The following KCNH5 variants were observed in gnomAD, a reference collection of about 807,000 sequenced individuals.
KCNH5 encodes potassium voltage-gated channel subfamily H member 5.
In KCNH5, 46 loss-of-function variants were observed where a neutral mutation model predicts 96.1. That is an observed-to-expected ratio of 0.48 (90% CI 0.38 to 0.61). KCNH5 has a LOEUF of 0.61. Ranked by LOEUF, KCNH5 falls within the 20% of genes least tolerant of loss-of-function variation. The pLI is 0.00. For missense variants in KCNH5, 907 were observed against 1,225.8 expected (o/e 0.74, Z 3.88); for synonymous variants, 439 against 449.8 (o/e 0.98, Z 0.30).
intron 7 of KCNH5, among the ~76,000 whole-genome samples, chr14:62,938,656 T>G (rs1362238735): frequency 6.6e-6 from 1 of 152,228 alleles, no homozygotes; most frequent in Non-Finnish European, 1.5e-5. Flanking sequence ...TATGTGAGAA[T>G]CATCTACATC....
At chr14:62,926,714 A>G (rs1244584261) in intron 7 of KCNH5, among the ~76,000 whole-genome samples, 1 of 152,112 alleles carries the variant, frequency 6.6e-6, no homozygotes, top group African/African-American at 2.4e-5. Context: ...TGAGGAGACC[A>G]GCTCCACTGG....
chr14:62,989,226 C>T lies in KCNH5; in HGVS notation c.434-2039G>A, dbSNP rs182662853. Reference sequence around the variant, plus strand: ...AAACACATGCCTTTTACCCTATTACCCTTTAACAGAAACCTGAAGGCCTCC... The same window carrying T: ...AAACACATGCCTTTTACCCTATTACTCTTTAACAGAAACCTGAAGGCCTCC... On this transcript the variant is annotated intron_variant, in intron 4 of 10. Coordinates refer to ENST00000322893, the MANE Select transcript of KCNH5 (RefSeq NM_139318.5). Among the ~76,000 whole-genome samples, 60 of 152,024 alleles carry T rather than the reference C, an allele frequency of 3.9e-4. 1 individual carries two copies. Among genetic ancestry groups the T allele is most frequent in the Admixed American group, 3.9e-3 (59 of 15,240 alleles).
intron 7 of KCNH5, among the ~76,000 whole-genome samples, chr14:62,906,891 G>A (rs1379657842): frequency 1.3e-5 from 2 of 152,114 alleles, no homozygotes; most frequent in Admixed American, 6.5e-5. Context: ...ACCCCAAAGT[G>A]TTCTCAAGTA....
chr14:62,863,643 C>T (rs1246527930), intron 7 of KCNH5, among the ~76,000 whole-genome samples: 1 of 152,012 alleles, frequency 6.6e-6, no homozygotes, highest in Non-Finnish European at 1.5e-5. Context: ...TTCTTAGAGA[C>T]TATACTATGG....
intron 10 of KCNH5, among the ~76,000 whole-genome samples, chr14:62,744,919 A>G (rs1275057182): frequency 6.6e-6 from 1 of 152,198 alleles, no homozygotes; most frequent in African/African-American, 2.4e-5. Flanking sequence ...TTTTCAGAAT[A>G]CCTTCCAATC....
chr14:62,792,878 A>G (rs1479056099), intron 9 of KCNH5, among the ~76,000 whole-genome samples: 1 of 151,822 alleles, frequency 6.6e-6, no homozygotes, highest in Non-Finnish European at 1.5e-5. Flanking sequence ...CAAAATAGGT[A>G]GACATGGAAA....
At chr14:62,811,554 G>A (rs1023526382) in intron 8 of KCNH5, among the ~76,000 whole-genome samples, 1 of 152,210 alleles carries the variant, frequency 6.6e-6, no homozygotes, top group East Asian at 1.9e-4. Context: ...ATACAGTATA[G>A]ACACAGCTTT....
intron 1 of KCNH5, among the ~76,000 whole-genome samples, chr14:63,027,752 T>C (rs1459116776): frequency 6.6e-6 from 1 of 152,042 alleles, no homozygotes; most frequent in Non-Finnish European, 1.5e-5. Flanking sequence ...GCTAGTATTC[T>C]AGGAAAAAGG....
intron 6 of KCNH5, among the ~76,000 whole-genome samples, chr14:62,969,609 G>A (rs1041096419): frequency 6.6e-6 from 1 of 151,970 alleles, no homozygotes; most frequent in African/African-American, 2.4e-5. Flanking sequence ...GACGGGGAGG[G>A]AGAGCATCAA....
chr14:62,921,743 G>A (rs1889384666), intron 7 of KCNH5, among the ~76,000 whole-genome samples: 1 of 152,100 alleles, frequency 6.6e-6, no homozygotes, highest in Non-Finnish European at 1.5e-5. Context: ...AGTCACGACT[G>A]ACCTGGCTCT....
intron 4 of KCNH5, among the ~76,000 whole-genome samples, chr14:62,999,377 G>A (rs546297360): frequency 2.4e-4 from 36 of 152,106 alleles, no homozygotes; most frequent in African/African-American, 7.5e-4. Context: ...ACTTTTTGAT[G>A]GGGTTGTTTG....
rs1030361569 is a variant in KCNH5 at position 62,703,676 on chromosome 14, T to C, written c.*3832A>G. On this transcript the variant is annotated 3_prime_UTR_variant, in exon 11 of 11. Coordinates refer to ENST00000322893, the MANE Select transcript of KCNH5 (RefSeq NM_139318.5). ...TGTCTTTTCCCCCTTTCCATTAAGA[T>C]GAGAAGAGAAATACTTTTACACCTA... 6.6e-6 allele frequency: 1 copy of C among 151,734 alleles called. No homozygotes were observed. Among genetic ancestry groups the C allele is most frequent in the Non-Finnish European group, 1.5e-5 (1 of 67,724 alleles). The allele number at this position is 151,734 out of a possible 1,614,324, so 9.4% of individuals were successfully genotyped here.
intron 7 of KCNH5, among the ~76,000 whole-genome samples, chr14:62,882,086 G>C (rs576603435): frequency 9.4e-6 from 1 of 106,502 alleles, no homozygotes; most frequent in Non-Finnish European, 1.8e-5. Flanking sequence ...CTAACATAGA[G>C]AAACCCCATT....
intron 10 of KCNH5, among the ~76,000 whole-genome samples, chr14:62,723,100 C>A (rs1430840509): frequency 6.6e-6 from 1 of 151,992 alleles, no homozygotes; most frequent in African/African-American, 2.4e-5. Context: ...TCAGGGGGAA[C>A]AATTACCAAC....
chr14:63,038,067 A>G (rs1415552059), intron 1 of KCNH5, among the ~76,000 whole-genome samples: 1 of 152,210 alleles, frequency 6.6e-6, no homozygotes, highest in Non-Finnish European at 1.5e-5. Context: ...TCCTCTCAGA[A>G]GTACCATCTG....
chr14:62,966,747 C>A (rs777936680), intron 6 of KCNH5, among the ~76,000 whole-genome samples: 14 of 152,124 alleles, frequency 9.2e-5, no homozygotes, highest in Non-Finnish European at 1.9e-4. Flanking sequence ...TCTTTGAATT[C>A]TTTCCTTCAA....
chr14:62,723,731 C>T (rs964947924), intron 10 of KCNH5, among the ~76,000 whole-genome samples: 1 of 152,162 alleles, frequency 6.6e-6, no homozygotes, highest in Admixed American at 6.5e-5. Flanking sequence ...GCCACTTTGA[C>T]CTTCTAAGCA....
At chr14:62,814,692 A>G (rs1566669122) in intron 8 of KCNH5, among the ~76,000 whole-genome samples, 1 of 145,922 alleles carries the variant, frequency 6.9e-6, no homozygotes, top group Non-Finnish European at 1.5e-5. Context: ...CTGAAGCAGG[A>G]TAATCATTTG....
chr14:62,763,987 A>G (rs1338216517), intron 10 of KCNH5, among the ~76,000 whole-genome samples: 1 of 152,096 alleles, frequency 6.6e-6, no homozygotes. Context: ...ACTATTCCAA[A>G]AAAATGAGGG....
Sources: gnomAD v4.1 joint callset for allele counts (sites outside exome capture counted in the v4.1 genomes callset) on GRCh38, gnomAD v4.1.1 for gene constraint, MANE v1.5 for transcripts, NCBI Gene and HGNC (gene_info 2026-07-23, HGNC 2026-07-21) for gene names.